The following TAFA1 variants were observed in gnomAD, a reference collection of about 807,000 sequenced individuals.
TAFA1 encodes TAFA chemokine like family member 1.
Under a neutral mutation model 18.5 loss-of-function variants are expected in TAFA1, and 4 were observed. The ratio of observed to expected loss-of-function variants is 0.22; its 90% CI spans 0.11 to 0.49. The LOEUF is 0.49. Ranked by LOEUF, TAFA1 falls within the 20% of genes least tolerant of loss-of-function variation. TAFA1 has a pLI of 0.98. For missense variants in TAFA1, 147 were observed against 169.0 expected (o/e 0.87, Z 0.72); for synonymous variants, 56 against 55.2 (o/e 1.01, Z -0.06).
intron 2 of TAFA1, among the ~76,000 whole-genome samples, chr3:68,141,591 T>G (rs2065667788): frequency 6.6e-6 from 1 of 152,200 alleles, no homozygotes; most frequent in Non-Finnish European, 1.5e-5. Context: ...CAAATCAGAC[T>G]AAATCCTAAT....
intron 2 of TAFA1, among the ~76,000 whole-genome samples, chr3:68,381,883 T>C (rs1303025893): frequency 6.6e-6 from 1 of 152,220 alleles, no homozygotes; most frequent in Non-Finnish European, 1.5e-5. Flanking sequence ...TTTTTGCCCA[T>C]TCAGTATGAT....
chr3:68,277,018 C>T (rs914990404), intron 2 of TAFA1, among the ~76,000 whole-genome samples: 2 of 152,054 alleles, frequency 1.3e-5, no homozygotes, highest in Non-Finnish European at 2.9e-5. Context: ...TAAGTATGTA[C>T]ATTATTCTTT....
At chr3:68,133,556 G>T (rs922417743) in intron 2 of TAFA1, among the ~76,000 whole-genome samples, 1 of 152,100 alleles carries the variant, frequency 6.6e-6, no homozygotes, top group Non-Finnish European at 1.5e-5. Context: ...GCAGTGGTTT[G>T]TAGTTCTCCT....
chr3:68,109,386 A>C (rs2065239562), intron 2 of TAFA1, among the ~76,000 whole-genome samples: 1 of 152,108 alleles, frequency 6.6e-6, no homozygotes, highest in African/African-American at 2.4e-5. Flanking sequence ...TATTGACTTG[A>C]TTTTTTAATC....
chr3:68,306,740 A>T (rs2068430134), intron 2 of TAFA1, among the ~76,000 whole-genome samples: 1 of 152,062 alleles, frequency 6.6e-6, no homozygotes, highest in Non-Finnish European at 1.5e-5. Flanking sequence ...TCCTGTGGGT[A>T]AGCCACCTAG....
intron 2 of TAFA1, among the ~76,000 whole-genome samples, chr3:68,338,523 C>G (rs111728222): frequency 6.6e-5 from 10 of 151,974 alleles, no homozygotes; most frequent in African/African-American, 1.9e-4. Flanking sequence ...TGTGTTGAAC[C>G]CTTTATAATG....
At chr3:68,483,327 G>A (rs932397028) in intron 3 of TAFA1, among the ~76,000 whole-genome samples, 1 of 152,088 alleles carries the variant, frequency 6.6e-6, no homozygotes, top group Admixed American at 6.5e-5. Flanking sequence ...CTATTCAACT[G>A]TACTCTCGTA....
chr3:68,536,954 C>A (rs2073287063), intron 3 of TAFA1, among the ~76,000 whole-genome samples: 1 of 152,092 alleles, frequency 6.6e-6, no homozygotes, highest in Admixed American at 6.6e-5. Context: ...TTTTATTTTG[C>A]AACTTTTCTT....
At chr3:68,506,456 A>G (rs1432860958) in intron 3 of TAFA1, among the ~76,000 whole-genome samples, 1 of 147,446 alleles carries the variant, frequency 6.8e-6, no homozygotes, top group African/African-American at 2.4e-5. Context: ...GGGTGTGTTC[A>G]ACACACACAC....
intron 2 of TAFA1, among the ~76,000 whole-genome samples, chr3:68,263,457 A>G (rs992286917): frequency 1.3e-4 from 19 of 151,054 alleles, no homozygotes; most frequent in South Asian, 4.2e-4. Context: ...ACACACACAC[A>G]CACACACACA....
chr3:68,047,751 A>G (rs1010569533), intron 2 of TAFA1, among the ~76,000 whole-genome samples: 4 of 152,176 alleles, frequency 2.6e-5, no homozygotes, highest in Non-Finnish European at 5.9e-5. Context: ...TAATCACCCA[A>G]TAGACACAAC....
chr3:68,184,805 G>C (rs2066250398), intron 2 of TAFA1, among the ~76,000 whole-genome samples: 1 of 152,116 alleles, frequency 6.6e-6, no homozygotes, highest in Non-Finnish European at 1.5e-5. Flanking sequence ...ATAGTGGCCT[G>C]TGGACCACCA....
chr3:68,347,431 C>T (rs1482908599), intron 2 of TAFA1, among the ~76,000 whole-genome samples: 1 of 152,192 alleles, frequency 6.6e-6, no homozygotes, highest in Non-Finnish European at 1.5e-5. Context: ...AATGGTTCTC[C>T]TGTAGTGCAG....
intron 2 of TAFA1, among the ~76,000 whole-genome samples, chr3:68,193,139 A>G (rs2066368487): frequency 6.6e-6 from 1 of 151,758 alleles, no homozygotes. Context: ...CTTCCTAAAT[A>G]AAAAATAAGC....
At chr3:68,295,888 G>A (rs963052798) in intron 2 of TAFA1, among the ~76,000 whole-genome samples, 3 of 152,088 alleles carry the variant, frequency 2.0e-5, no homozygotes, top group Non-Finnish European at 4.4e-5. Flanking sequence ...GGCATTATAA[G>A]CATGAGCCTT....
At chr3:68,447,856 A>G (rs1462475327) in intron 3 of TAFA1, among the ~76,000 whole-genome samples, 7 of 152,246 alleles carry the variant, frequency 4.6e-5, no homozygotes, top group Non-Finnish European at 1.0e-4. Flanking sequence ...TAAGCAGTAA[A>G]CAAAAGAATC....
At chr3:68,213,699 C>T (rs2066621570) in intron 2 of TAFA1, among the ~76,000 whole-genome samples, 1 of 152,042 alleles carries the variant, frequency 6.6e-6, no homozygotes, top group South Asian at 2.1e-4. Flanking sequence ...CAGTATATTA[C>T]AATAAATCAC....
intron 2 of TAFA1, among the ~76,000 whole-genome samples, chr3:68,222,985 G>GT (rs1204162107): frequency 1.3e-5 from 2 of 152,088 alleles, no homozygotes; most frequent in South Asian, 2.1e-4. Context: ...GGCCAGTATT[G>GT]TTTTTTAAAA....
intron 2 of TAFA1, among the ~76,000 whole-genome samples, chr3:68,189,225 C>T (rs1294842759): frequency 2.6e-5 from 4 of 151,860 alleles, no homozygotes; most frequent in Non-Finnish European, 5.9e-5. Flanking sequence ...ATATTAAGTG[C>T]AATAACCAGC....
Sources: allele counts gnomAD v4.1 joint callset (sites outside exome capture counted in the v4.1 genomes callset), GRCh38; gene constraint gnomAD v4.1.1; transcripts MANE v1.5; gene names NCBI Gene and HGNC (gene_info 2026-07-23, HGNC 2026-07-21).